The following TAF4B variants were observed in gnomAD, a reference collection of about 807,000 sequenced individuals.
TAF4B encodes transcription initiation factor TFIID subunit 4B.
A neutral mutation model predicts 86.4 loss-of-function variants in TAF4B; 38 were observed. That is an observed-to-expected ratio of 0.44 (90% CI 0.34 to 0.58). TAF4B has a LOEUF of 0.58. Ranked by LOEUF, TAF4B falls within the 20% of genes least tolerant of loss-of-function variation. The pLI, the probability that TAF4B is intolerant of heterozygous loss-of-function variation, is 0.02. For missense variants in TAF4B, 988 were observed against 1,027.6 expected (o/e 0.96, Z 0.53); for synonymous variants, 388 against 391.2 (o/e 0.99, Z 0.10).
At chr18:26,385,082 A>G (rs1285826583) in intron 14 of TAF4B, among the ~76,000 whole-genome samples, 1 of 152,192 alleles carries the variant, frequency 6.6e-6, no homozygotes, top group Non-Finnish European at 1.5e-5. Flanking sequence ...CCCCAACAGG[A>G]TTCCCGAAGC....
chr18:26,305,483 C>T (rs1425859555), intron 9 of TAF4B, among the ~76,000 whole-genome samples: 2 of 152,194 alleles, frequency 1.3e-5, no homozygotes, highest in Non-Finnish European at 2.9e-5. Context: ...TCTCAGCTCA[C>T]CACAACCTCC....
At chr18:26,357,668 AT>A (rs2057298377) in intron 13 of TAF4B, 21 bp from the exon 14 acceptor site, 4 of 1,551,648 alleles carry the variant, frequency 2.6e-6, no homozygotes, top group African/African-American at 2.7e-5. Context: ...AAACATTGAT[AT>A]TTTTTTCTTC....
rs1269818131 is a variant in TAF4B at position 26,251,371 on chromosome 18, C to A, written c.344-13799C>A. 2.0e-5 allele frequency among the ~76,000 whole-genome samples: 3 copies of A among 152,068 alleles called. No homozygotes were observed. In the East Asian group the frequency reaches 5.8e-4, roughly 29 times the overall value. ...TTAAGGCTCTTAGATTTGTAAGGAT[C>A]TGCTATTTTTTCAGGGGCAGTATTT... On this transcript the variant is annotated intron_variant, in intron 1 of 14. Transcript: ENST00000269142.
At chr18:26,323,485 AGTAGCTAAGACTAACAGGC>A (rs1458495322) in intron 11 of TAF4B, among the ~76,000 whole-genome samples, 1 of 150,254 alleles carries the variant, frequency 6.7e-6, no homozygotes, top group African/African-American at 2.4e-5. Context: ...CAGCCTTTCC[AGTAGCTAAGACTAACAGGC>A]GTGTGCCACC....
intron 14 of TAF4B, among the ~76,000 whole-genome samples, chr18:26,368,950 A>G (rs955092020): frequency 2.0e-5 from 3 of 152,172 alleles, no homozygotes; most frequent in African/African-American, 7.2e-5. Context: ...AACATATATT[A>G]ACAAGAACAA....
intron 1 of TAF4B, among the ~76,000 whole-genome samples, chr18:26,254,786 T>C (rs2056058017): frequency 6.6e-6 from 1 of 152,220 alleles, no homozygotes; most frequent in Non-Finnish European, 1.5e-5. Flanking sequence ...AATTAAAATC[T>C]TTATCAAATA....
chr18:26,390,063 C>A lies in TAF4B; in HGVS notation c.*51C>A, dbSNP rs760410366. 1 of 1,566,118 alleles carries A rather than the reference C, an allele frequency of 6.4e-7. No homozygotes were observed. The highest frequency in any genetic ancestry group is 1.2e-5 in the South Asian group (1 of 84,458). On this transcript the variant is annotated 3_prime_UTR_variant, in exon 15 of 15. Transcript: ENST00000269142. The stretch of plus-strand genomic sequence containing the variant: ...TTGCTATTTACTGCCAAAGAAGACA[C>A]AAAGCATTGTTGCACTGTCCTGAAA...
rs539934456 is a variant in TAF4B, at chr18:26,244,834, A to G, written c.343+17558A>G. 3.9e-5 allele frequency among the ~76,000 whole-genome samples: 6 copies of G among 152,326 alleles called. No homozygotes were observed. The South Asian group carries it at 1.0e-3, about 26-fold the overall frequency. ...GTGGGAGGAAGTTTGTCTGACAGGC[A>G]TTAGGACGCAGGAGGCAAGTTTCAG... On this transcript the variant is annotated intron_variant, in intron 1 of 14. Transcript: ENST00000269142.
chr18:26,314,859 G>T (rs1045330522), intron 9 of TAF4B, among the ~76,000 whole-genome samples: 3 of 152,088 alleles, frequency 2.0e-5, no homozygotes, highest in Non-Finnish European at 2.9e-5. Context: ...AACTCCAAAT[G>T]CCTCTTGGTG....
intron 9 of TAF4B, among the ~76,000 whole-genome samples, chr18:26,298,129 T>C (rs563166388): frequency 1.4e-4 from 21 of 149,908 alleles, no homozygotes; most frequent in African/African-American, 5.2e-4. Flanking sequence ...TGACTAATGA[T>C]GTTGAGTGCA....
At chr18:26,261,034 C>T (rs2056157475) in intron 1 of TAF4B, among the ~76,000 whole-genome samples, 1 of 152,122 alleles carries the variant, frequency 6.6e-6, no homozygotes, top group African/African-American at 2.4e-5. Context: ...TACTGGTCCC[C>T]ACTCCTTGGG....
intron 14 of TAF4B, among the ~76,000 whole-genome samples, chr18:26,380,973 T>C (rs563815421): frequency 6.6e-6 from 1 of 152,324 alleles, no homozygotes; most frequent in South Asian, 2.1e-4. Context: ...TAGTATTCTA[T>C]GCTACGTTGT....
chr18:26,279,221 C>A (rs745424508), intron 5 of TAF4B, among the ~76,000 whole-genome samples: 1 of 152,030 alleles, frequency 6.6e-6, no homozygotes, highest in Admixed American at 6.6e-5. Flanking sequence ...TTTCTATACA[C>A]CAAAAATGTT....
intron 14 of TAF4B, 119 bp from the exon 15 acceptor site, chr18:26,389,726 T>G: frequency 1.9e-6 from 2 of 1,028,902 alleles, no homozygotes; most frequent in Non-Finnish European, 2.8e-6. Flanking sequence ...ATCATTACAT[T>G]ATCTCCAGTA....
At chr18:26,289,103 A>G (rs1380989621) in intron 7 of TAF4B, among the ~76,000 whole-genome samples, 2 of 152,206 alleles carry the variant, frequency 1.3e-5, no homozygotes, top group Admixed American at 6.5e-5. Flanking sequence ...AAACCATTCT[A>G]TATGGTAATG....
Position 26,286,142 on chromosome 18 carries a change from A to T in TAF4B, c.1233A>T (p.Thr411=). 1.9e-6 allele frequency: 3 copies of T among 1,614,196 alleles called. No individual in the cohort carries two copies. Among genetic ancestry groups the T allele is most frequent in the Non-Finnish European group, 2.5e-6 (3 of 1,180,016 alleles). Residue 411 remains threonine (T), a synonymous_variant, in exon 7 of 15, where the codon ACA becomes ACT. Transcript: ENST00000269142. The part of the protein sequence containing the change: ...GPVGAKAGVV[T]LHSVGPTAAT... Reference sequence around the variant, plus strand: ...TGGGAGCAAAAGCTGGAGTTGTGACACTTCATTCTGTGGGCCCAACTGCTG... The same window carrying T: ...TGGGAGCAAAAGCTGGAGTTGTGACTCTTCATTCTGTGGGCCCAACTGCTG...
In TAF4B at chr18:26,281,949, TTC is replaced by T. The variant is rs1407694402; in HGVS notation, c.883-20_883-19del. 6.4e-7 allele frequency: 1 copy of T among 1,563,260 alleles called. No homozygotes were observed. The highest frequency in any genetic ancestry group is 2.2e-5 in the East Asian group (1 of 44,516). On this transcript the variant is annotated intron_variant, in intron 5 of 14. Coordinates refer to ENST00000269142, the MANE Select transcript of TAF4B (RefSeq NM_005640.3). ...AAAAGATTTGTAGACTTAAAATTGT[TTC>T]TATTTCTCCCATCCCTCAGGATGCA...
chr18:26,389,794 C>T (rs1598849430), intron 14 of TAF4B, 51 bp from the exon 15 acceptor site: 2 of 1,574,864 alleles, frequency 1.3e-6, no homozygotes, highest in Non-Finnish European at 1.7e-6. Flanking sequence ...ACAGGCTTTC[C>T]CTTTATGAAA....
At chr18:26,346,813 ATATGTG>A (rs1311935781) in intron 13 of TAF4B, among the ~76,000 whole-genome samples, 517 of 24,782 alleles carry the variant, frequency 0.021, 63 homozygotes, top group African/African-American at 0.038. Flanking sequence ...ATATATATAT[ATATGTG>A]TGTGTATATA....
Sources: gnomAD v4.1 joint callset for allele counts (sites outside exome capture counted in the v4.1 genomes callset) on GRCh38, gnomAD v4.1.1 for gene constraint, MANE v1.5 for transcripts, NCBI Gene and HGNC (gene_info 2026-07-23, HGNC 2026-07-21) for gene names.